The following MYZAP variants were observed in gnomAD, a reference collection of about 807,000 sequenced individuals.
MYZAP encodes the protein myocardial zonula adherens protein, also known as GRINL1A complex locus upstream.
A neutral mutation model predicts 69.4 loss-of-function variants in MYZAP; 66 were observed. The ratio of observed to expected loss-of-function variants is 0.95; its 90% confidence interval spans 0.78 to 1.17. MYZAP has a LOEUF of 1.17. Among genes scored for constraint, MYZAP ranks in the 50% most tolerant of loss-of-function variants. MYZAP has a pLI of 0.00. For missense variants in MYZAP, 611 were observed against 556.2 expected (o/e 1.10, Z -0.99); for synonymous variants, 256 against 205.9 (o/e 1.24, Z -2.09).
chr15:57,630,174 G>A (rs1247500360), intron 6 of MYZAP, among the ~76,000 whole-genome samples: 1 of 152,082 alleles, frequency 6.6e-6, no homozygotes, highest in African/African-American at 2.4e-5. Context: ...CACCATGTTG[G>A]CCAGGCTGGT....
chr15:57,603,499 C>G (rs1567200339), intron 1 of MYZAP, among the ~76,000 whole-genome samples: 1 of 152,124 alleles, frequency 6.6e-6, no homozygotes, highest in Non-Finnish European at 1.5e-5. Flanking sequence ...TCCCTGTATC[C>G]TTACCCCCTG....
At chr15:57,672,245 C>G (rs1357350493) in intron 11 of MYZAP, among the ~76,000 whole-genome samples, 2 of 152,150 alleles carry the variant, frequency 1.3e-5, no homozygotes. Flanking sequence ...TTTCTTCCCC[C>G]AGAAAGATGA....
At chr15:57,645,882 A>AAG (rs2037418866) in intron 10 of MYZAP, among the ~76,000 whole-genome samples, 1 of 152,248 alleles carries the variant, frequency 6.6e-6, no homozygotes, top group Non-Finnish European at 1.5e-5. Flanking sequence ...AGCGATTTTT[A>AAG]AGATTTAAAT....
intron 10 of MYZAP, among the ~76,000 whole-genome samples, chr15:57,661,225 A>G (rs552250653): frequency 8.4e-4 from 128 of 152,306 alleles, no homozygotes; most frequent in African/African-American, 2.9e-3. Flanking sequence ...CTGTTCACAC[A>G]ATCCGCCTGT....
chr15:57,618,260 C>A lies in MYZAP; in HGVS notation c.318+72C>A, dbSNP rs893061127. ...GCATGCAAGAGAATGGAGTTGGAAG[C>A]ATTGAAGTGAATGTAATAAGGCATT... On this transcript the variant is annotated intron_variant, in intron 3 of 12. Coordinates refer to ENST00000267853, the MANE Select transcript of MYZAP (RefSeq NM_001018100.5). The A allele has an allele frequency of 7.8e-6, 12 of 1,543,890 alleles. No individual in the cohort carries two copies. In the African/African-American group the frequency reaches 1.5e-4, roughly 20 times the overall value.
intron 10 of MYZAP, among the ~76,000 whole-genome samples, chr15:57,653,593 A>G: frequency 6.6e-6 from 1 of 152,180 alleles, no homozygotes; most frequent in Non-Finnish European, 1.5e-5. Flanking sequence ...TTCTGTTTTT[A>G]AAGAGTTTAT....
chr15:57,617,047 A>G (rs1297393798), intron 2 of MYZAP, among the ~76,000 whole-genome samples: 1 of 151,640 alleles, frequency 6.6e-6, no homozygotes, highest in African/African-American at 2.4e-5. Context: ...TGTCCCTTCC[A>G]TGTTGTGGAG....
intron 10 of MYZAP, among the ~76,000 whole-genome samples, chr15:57,655,170 A>G (rs1168493412): frequency 6.6e-6 from 1 of 152,112 alleles, no homozygotes; most frequent in African/African-American, 2.4e-5. Context: ...GGCCTAGGTG[A>G]CTGTGGGTAG....
chr15:57,636,095 G>A (rs189570438), intron 8 of MYZAP, among the ~76,000 whole-genome samples: 1 of 152,106 alleles, frequency 6.6e-6, no homozygotes, highest in African/African-American at 2.4e-5. Flanking sequence ...CTGTAAGTTA[G>A]ACCTTGCTCT....
intron 8 of MYZAP, among the ~76,000 whole-genome samples, chr15:57,634,683 A>G (rs143748512): frequency 1.3e-5 from 2 of 152,204 alleles, no homozygotes; most frequent in African/African-American, 4.8e-5. Flanking sequence ...AACTGCATGA[A>G]ATTCAGTTCT....
intron 1 of MYZAP, among the ~76,000 whole-genome samples, chr15:57,602,486 T>C (rs754458171): frequency 5.3e-5 from 8 of 152,220 alleles, no homozygotes; most frequent in Non-Finnish European, 8.8e-5. Flanking sequence ...GCCACACTTA[T>C]GATCTCATTT....
chr15:57,674,872 T>G, intron 11 of MYZAP, 96 bp from the exon 12 acceptor site: 1 of 1,054,670 alleles, frequency 9.5e-7, no homozygotes, highest in Non-Finnish European at 1.4e-6. Context: ...GCCCATGTCA[T>G]GGGGCAAAAT....
chr15:57,666,438 T>C (rs1300964472), intron 11 of MYZAP, among the ~76,000 whole-genome samples: 1 of 152,142 alleles, frequency 6.6e-6, no homozygotes, highest in African/African-American at 2.4e-5. Flanking sequence ...AGTCCCTGGA[T>C]TCATCATTTG....
intron 3 of MYZAP, among the ~76,000 whole-genome samples, chr15:57,619,873 C>T (rs1195389198): frequency 3.3e-5 from 5 of 152,180 alleles, no homozygotes; most frequent in Non-Finnish European, 5.9e-5. Flanking sequence ...TTGGCTAATC[C>T]TGAGCTGTGG....
intron 1 of MYZAP, among the ~76,000 whole-genome samples, chr15:57,598,203 T>TGA (rs1232645443): frequency 6.6e-6 from 1 of 152,036 alleles, no homozygotes; most frequent in African/African-American, 2.4e-5. Flanking sequence ...GGCCCTCATC[T>TGA]CCACAAAAGG....
rs571501190 is a variant in MYZAP, at chr15:57,593,453, T to C, written c.75+1344T>C. 7.2e-5 allele frequency among the ~76,000 whole-genome samples: 11 copies of C among 152,322 alleles called. No individual in the cohort carries two copies. In the South Asian group the frequency reaches 2.1e-3, roughly 29 times the overall value. On this transcript the variant is annotated intron_variant, in intron 1 of 12. Transcript: ENST00000267853. ...AACCCTGAGCCCTGAGAGGATCATATGTGTGACCAGACTGCATGAATTGCA... is the reference window on the plus strand; with the variant it reads ...AACCCTGAGCCCTGAGAGGATCATACGTGTGACCAGACTGCATGAATTGCA...
chr15:57,674,939 C>T, intron 11 of MYZAP, 29 bp from the exon 12 acceptor site: 1 of 1,588,966 alleles, frequency 6.3e-7, no homozygotes, highest in Non-Finnish European at 8.6e-7. Flanking sequence ...ATTTGACTTA[C>T]TGAAAGTACC....
rs980931056 is a variant in MYZAP at position 57,591,909 on chromosome 15, C to T, written c.-126C>T. ...CCCCGGCCCCACCCCCGGGCCTTCG[C>T]GGTGCAGCTGAGGCTGCAAGTAGCC... On this transcript the variant is annotated 5_prime_UTR_variant, in exon 1 of 13. Coordinates refer to ENST00000267853, the MANE Select transcript of MYZAP (RefSeq NM_001018100.5). The T allele has an allele frequency of 2.2e-6, 2 of 915,452 alleles. No individual in the cohort carries two copies. The highest frequency in any genetic ancestry group is 1.8e-5 in the African/African-American group (1 of 56,834). 56.7% of individuals were successfully genotyped at this position (915,452 alleles called of 1,614,324 possible).
intron 5 of MYZAP, among the ~76,000 whole-genome samples, chr15:57,627,393 GA>G (rs2036207822): frequency 2.2e-5 from 3 of 133,508 alleles, no homozygotes; most frequent in Non-Finnish European, 4.8e-5. Context: ...GGGGGAGGGG[GA>G]GGGGGAGGGG....
Sources: gnomAD v4.1 joint callset for allele counts (sites outside exome capture counted in the v4.1 genomes callset) on GRCh38, gnomAD v4.1.1 for gene constraint, MANE v1.5 for transcripts, NCBI Gene and HGNC (gene_info 2026-07-23, HGNC 2026-07-21) for gene names.